The following BRD10 variants were observed in gnomAD, a reference collection of about 807,000 sequenced individuals.
BRD10 encodes bromodomain containing 10, also known as uncharacterized bromodomain-containing protein 10.
At chr9:5,921,574 C>G in the BRD10 span, 1 of 1,613,918 alleles carries the variant, frequency 6.2e-7, no homozygotes, top group Non-Finnish European at 8.5e-7. Context: ...CTGATACCAG[C>G]ATAAGTTTCT....
chr9:5,920,198 G>A, the BRD10 span: 1 of 1,614,002 alleles, frequency 6.2e-7, no homozygotes, highest in Non-Finnish European at 8.5e-7. Flanking sequence ...TATTGGTGTA[G>A]ATTGAATGCC....
the BRD10 span, among the ~76,000 whole-genome samples, chr9:5,980,207 C>T: frequency 7.2e-5 from 11 of 152,094 alleles, no homozygotes; most frequent in Non-Finnish European, 1.5e-4. Flanking sequence ...AGCTCTTTCA[C>T]TCAATTTTCT....
At chr9:5,882,153 G>A in the BRD10 span, among the ~76,000 whole-genome samples, 5 of 152,140 alleles carry the variant, frequency 3.3e-5, no homozygotes, top group African/African-American at 7.2e-5. Context: ...CTAGCTCAAC[G>A]AACCCAGTAC....
At chr9:6,007,858 C>T in the BRD10 span, 1 of 1,374,908 alleles carries the variant, frequency 7.3e-7, no homozygotes, top group Non-Finnish European at 9.3e-7. Context: ...GAGCGCGAGC[C>T]GCTTCCTCAC....
At chr9:5,984,808 T>C in the BRD10 span, among the ~76,000 whole-genome samples, 1 of 151,756 alleles carries the variant, frequency 6.6e-6, no homozygotes, top group East Asian at 1.9e-4. Context: ...AACTACAAAA[T>C]ACAGCTAAGA....
chr9:5,924,902 T>G, the BRD10 span: 86 of 1,235,296 alleles, frequency 7.0e-5, 2 homozygotes, highest in South Asian at 2.1e-3. Context: ...TCTTGGAATC[T>G]AAACTAACTT....
the BRD10 span, chr9:5,922,363 G>C: frequency 8.9e-5 from 144 of 1,613,936 alleles, no homozygotes; most frequent in African/African-American, 1.7e-3. Flanking sequence ...CTGCATTCTT[G>C]GCTTTTCCTG....
the BRD10 span, among the ~76,000 whole-genome samples, chr9:6,002,604 T>A: frequency 6.6e-6 from 1 of 151,810 alleles, no homozygotes; most frequent in Non-Finnish European, 1.5e-5. Flanking sequence ...AAGATTAAAA[T>A]AAAAATTCAT....
At chr9:5,961,945 A>AT in the BRD10 span, among the ~76,000 whole-genome samples, 1 of 101,986 alleles carries the variant, frequency 9.8e-6, no homozygotes, top group Admixed American at 9.3e-5. Flanking sequence ...GGATTCATTG[A>AT]TTTTTTGAAG....
At chr9:5,998,456 T>G in the BRD10 span, among the ~76,000 whole-genome samples, 1 of 152,102 alleles carries the variant, frequency 6.6e-6, no homozygotes, top group Non-Finnish European at 1.5e-5. Flanking sequence ...CCACCACAGG[T>G]ATCTAAATGC....
chr9:5,924,687 T>A, the BRD10 span: 1 of 1,533,070 alleles, frequency 6.5e-7, no homozygotes, highest in East Asian at 2.3e-5. Context: ...CTCCAGGATA[T>A]CCAGAGGTTC....
chr9:5,994,584 A>G, the BRD10 span, among the ~76,000 whole-genome samples: 1 of 152,144 alleles, frequency 6.6e-6, no homozygotes, highest in East Asian at 1.9e-4. Flanking sequence ...CATTTGCTGT[A>G]ACATAATTCA....
the BRD10 span, chr9:5,922,163 T>A: frequency 3.1e-6 from 5 of 1,614,014 alleles, no homozygotes; most frequent in Non-Finnish European, 4.2e-6. Context: ...AAGAATTGAC[T>A]GTGAATCTCT....
At chr9:5,911,669 G>A in the BRD10 span, among the ~76,000 whole-genome samples, 1 of 151,852 alleles carries the variant, frequency 6.6e-6, no homozygotes, top group East Asian at 1.9e-4. Context: ...CGAGTAACTG[G>A]GATTACAGGT....
At chr9:5,924,838 G>C in the BRD10 span, 1 of 1,488,156 alleles carries the variant, frequency 6.7e-7, no homozygotes, top group Non-Finnish European at 9.0e-7. Flanking sequence ...TCTTTCTTCA[G>C]GCGGCTCCTG....
At chr9:5,975,789 T>C in the BRD10 span, among the ~76,000 whole-genome samples, 6 of 152,016 alleles carry the variant, frequency 3.9e-5, no homozygotes, top group East Asian at 3.8e-4. Context: ...TGGGAAAAAA[T>C]ACACTTAATC....
At chr9:5,919,896 T>A in the BRD10 span, 3 of 1,613,812 alleles carry the variant, frequency 1.9e-6, no homozygotes, top group African/African-American at 1.3e-5. Context: ...AACACTGAAG[T>A]GCTACTTGGC....
the BRD10 span, chr9:5,922,106 T>C: frequency 8.1e-6 from 13 of 1,613,996 alleles, no homozygotes; most frequent in South Asian, 8.8e-5. Context: ...TTGATCTGGG[T>C]TGGTCTGTAC....
the BRD10 span, among the ~76,000 whole-genome samples, chr9:5,984,006 C>G: frequency 6.8e-6 from 1 of 147,994 alleles, no homozygotes; most frequent in Non-Finnish European, 1.5e-5. Context: ...CACACACACA[C>G]CCCTCTCCAT....
Sources: gnomAD v4.1 joint callset for allele counts (sites outside exome capture counted in the v4.1 genomes callset) on GRCh38, gnomAD v4.1.1 for gene constraint, MANE v1.5 for transcripts, NCBI Gene and HGNC (gene_info 2026-07-23, HGNC 2026-07-21) for gene names.